The following PRELID2 variants were observed in gnomAD, a reference collection of about 807,000 sequenced individuals.
PRELID2 encodes PRELI domain-containing protein 2.
Under a neutral mutation model 28.4 loss-of-function variants are expected in PRELID2, and 25 were observed. That is an observed-to-expected ratio of 0.88 (90% CI 0.64 to 1.23). The LOEUF (loss-of-function observed/expected upper bound fraction) is 1.23. PRELID2 is among the 50% of genes most tolerant of loss of function. The pLI, the probability that PRELID2 is intolerant of heterozygous loss-of-function variation, is 0.00. For missense variants in PRELID2, 201 were observed against 214.4 expected (o/e 0.94, Z 0.39); for synonymous variants, 76 against 71.6 (o/e 1.06, Z -0.31).
At chr5:145,359,848 A>G in the PRELID2 span, among the ~76,000 whole-genome samples, 1 of 152,184 alleles carries the variant, frequency 6.6e-6, no homozygotes, top group East Asian at 1.9e-4. Context: ...CTCTACTACC[A>G]AGCCCTACCC....
At chr5:145,577,501 T>C (rs1753070884) in intron 1 of PRELID2, among the ~76,000 whole-genome samples, 1 of 151,806 alleles carries the variant, frequency 6.6e-6, no homozygotes, top group African/African-American at 2.4e-5. Flanking sequence ...AAAATAGGTC[T>C]GGCAGAAGAA....
chr5:145,295,035 C>A, the PRELID2 span, among the ~76,000 whole-genome samples: 3 of 152,068 alleles, frequency 2.0e-5, no homozygotes, highest in African/African-American at 7.2e-5. Flanking sequence ...TTTCCTCAAC[C>A]CCAGGGCTGC....
At chr5:145,389,007 T>C in the PRELID2 span, among the ~76,000 whole-genome samples, 1 of 152,228 alleles carries the variant, frequency 6.6e-6, no homozygotes, top group Non-Finnish European at 1.5e-5. Flanking sequence ...CTCACCACTG[T>C]AGTGCTAGCT....
intron 1 of PRELID2, among the ~76,000 whole-genome samples, chr5:145,730,619 C>T (rs1450081226): frequency 2.6e-5 from 4 of 152,142 alleles, no homozygotes; most frequent in Non-Finnish European, 5.9e-5. Context: ...CATATCACAT[C>T]GCAACTTTGT....
intron 1 of PRELID2, among the ~76,000 whole-genome samples, chr5:145,568,344 C>T (rs1221827911): frequency 5.9e-5 from 9 of 152,180 alleles, no homozygotes; most frequent in Admixed American, 5.9e-4. Context: ...TATATTAACT[C>T]TTATCCCTAT....
the PRELID2 span, among the ~76,000 whole-genome samples, chr5:145,360,925 A>G: frequency 6.6e-6 from 1 of 152,158 alleles, no homozygotes; most frequent in Admixed American, 6.6e-5. Flanking sequence ...CCTAAATTCC[A>G]TCAAGATACA....
chr5:145,336,012 T>C, the PRELID2 span, among the ~76,000 whole-genome samples: 7 of 152,258 alleles, frequency 4.6e-5, no homozygotes, highest in Non-Finnish European at 1.0e-4. Context: ...TTTGCATTTC[T>C]CTGATGGCCA....
At chr5:145,341,016 C>G in the PRELID2 span, among the ~76,000 whole-genome samples, 16 of 151,800 alleles carry the variant, frequency 1.1e-4, no homozygotes, top group Admixed American at 2.6e-4. Context: ...CTGAAGAAAT[C>G]ATACAGAGAT....
the PRELID2 span, among the ~76,000 whole-genome samples, chr5:145,230,342 C>T: frequency 2.6e-5 from 4 of 151,968 alleles, no homozygotes; most frequent in Admixed American, 1.3e-4. Context: ...GGGAGGCTGA[C>T]GTGGGTGGAT....
At chr5:145,251,040 T>A in the PRELID2 span, among the ~76,000 whole-genome samples, 1 of 152,170 alleles carries the variant, frequency 6.6e-6, no homozygotes, top group Non-Finnish European at 1.5e-5. Context: ...CAAGGAATGA[T>A]GAAGAATAGA....
the PRELID2 span, chr5:145,229,784 C>T: frequency 1.3e-6 from 1 of 755,804 alleles, no homozygotes; most frequent in Admixed American, 1.7e-5. Context: ...TGATATACAC[C>T]AGTTTCTGAC....
chr5:145,823,609 G>C (rs376419499), intron 1 of PRELID2, among the ~76,000 whole-genome samples: 12 of 152,162 alleles, frequency 7.9e-5, no homozygotes, highest in East Asian at 3.9e-4. Context: ...GCTGGCTCCT[G>C]GTGGAGCCAG....
At chr5:145,658,978 G>A (rs1038810451) in intron 1 of PRELID2, among the ~76,000 whole-genome samples, 4 of 152,162 alleles carry the variant, frequency 2.6e-5, no homozygotes, top group South Asian at 2.1e-4. Flanking sequence ...TTGGGAAGAT[G>A]GGAAGTTCGA....
the PRELID2 span, among the ~76,000 whole-genome samples, chr5:145,450,035 A>G: frequency 6.6e-6 from 1 of 152,218 alleles, no homozygotes; most frequent in Non-Finnish European, 1.5e-5. Flanking sequence ...AAATGCAAAC[A>G]GAATGTTCCC....
chr5:145,261,570 A>C, the PRELID2 span, among the ~76,000 whole-genome samples: 1 of 152,212 alleles, frequency 6.6e-6, no homozygotes, highest in East Asian at 1.9e-4. Context: ...TCCACTGGGT[A>C]GCTAGATCCA....
chr5:145,823,989 T>TG (rs1177539077), intron 1 of PRELID2, among the ~76,000 whole-genome samples: 1 of 152,162 alleles, frequency 6.6e-6, no homozygotes, highest in Non-Finnish European at 1.5e-5. Flanking sequence ...ATAGTGTATC[T>TG]GGGGGGTAAC....
chr5:145,828,988 C>T (rs1394402892), intron 1 of PRELID2, among the ~76,000 whole-genome samples: 1 of 151,874 alleles, frequency 6.6e-6, no homozygotes, highest in African/African-American at 2.4e-5. Flanking sequence ...CAGGTGTGTG[C>T]CACCATGCCC....
At chr5:145,347,758 A>C in the PRELID2 span, among the ~76,000 whole-genome samples, 2 of 152,074 alleles carry the variant, frequency 1.3e-5, no homozygotes, top group African/African-American at 2.4e-5. Flanking sequence ...ATGATACTGT[A>C]GTGGTAGATA....
chr5:145,270,494 A>G, the PRELID2 span, among the ~76,000 whole-genome samples: 1 of 152,164 alleles, frequency 6.6e-6, no homozygotes, highest in South Asian at 2.1e-4. Flanking sequence ...ATAGTGTGTA[A>G]TCTTATTTAT....
Sources: gnomAD v4.1 joint callset for allele counts (sites outside exome capture counted in the v4.1 genomes callset) on GRCh38, gnomAD v4.1.1 for gene constraint, MANE v1.5 for transcripts, NCBI Gene and HGNC (gene_info 2026-07-23, HGNC 2026-07-21) for gene names.